Variants in CYRIB observed in about 807,000 individuals in gnomAD.
The protein encoded by CYRIB is CYFIP-related Rac1 interactor B.
In CYRIB, 8 loss-of-function variants were observed where a neutral mutation model predicts 44.2. The observed-to-expected ratio is 0.18, with a 90% CI of 0.11 to 0.33. The LOEUF (loss-of-function observed/expected upper bound fraction) is 0.33, where lower values mean the gene tolerates loss of function less well. Among genes scored for constraint, CYRIB ranks in the 10% least tolerant of loss-of-function variants. The pLI is 1.00. For missense variants in CYRIB, 185 were observed against 382.8 expected, an observed-to-expected ratio of 0.48 and a Z score of 4.31; for synonymous variants, 131 against 127.2, an observed-to-expected ratio of 1.03 and a Z score of -0.20.
At chr8:129,909,895 T>C (rs1463123087) in intron 1 of CYRIB, among the ~76,000 whole-genome samples, 3 of 152,186 alleles carry the variant, frequency 2.0e-5, no homozygotes, top group Non-Finnish European at 4.4e-5. Flanking sequence ...CACATAAACA[T>C]ACCTAAGCCA....
In CYRIB at chr8:129,873,674, CTA is replaced by C. The variant is rs542323082; in HGVS notation, c.74-2180_74-2179del. On this transcript the variant is annotated intron_variant, in intron 3 of 11. Transcript: ENST00000519824. ...ATCTGTGAAGTTTGAAAATGCTAGA[CTA>C]TGTATTTTAGGTGTGGTGACTAGCT... Among the ~76,000 whole-genome samples the C allele has an allele frequency of 7.2e-5, 11 of 152,060 alleles. No individual in the cohort carries two copies. In the South Asian group the frequency reaches 2.3e-3, roughly 32 times the overall value.
intron 2 of CYRIB, among the ~76,000 whole-genome samples, chr8:129,960,331 G>A (rs774352965): frequency 7.2e-5 from 11 of 152,080 alleles, no homozygotes; most frequent in Non-Finnish European, 1.5e-4. Context: ...GCAGTAGCTC[G>A]TACCTGTAAT....
At chr8:129,881,401 A>G (rs2060752053) in intron 2 of CYRIB, among the ~76,000 whole-genome samples, 1 of 152,228 alleles carries the variant, frequency 6.6e-6, no homozygotes, top group South Asian at 2.1e-4. Context: ...AACATAAAAC[A>G]ATATTTTTAT....
In CYRIB at chr8:129,852,105, C is replaced by T. The variant is rs1183725922; in HGVS notation, c.633+57G>A. 2.0e-5 allele frequency: 21 copies of T among 1,048,242 alleles called. No individual in the cohort carries two copies. The South Asian group carries it at 2.2e-4, about 11-fold the overall frequency. 64.9% of individuals were successfully genotyped at this position (1,048,242 alleles called of 1,614,324 possible). ...TAATGTCTTGGGCTTGCTGACATCA[C>T]GTCTGCCAACAGGGGCATAAATAAC... On this transcript the variant is annotated intron_variant, in intron 8 of 11. Transcript: ENST00000519824.
chr8:129,875,281 T>C (rs1270860042), intron 3 of CYRIB, among the ~76,000 whole-genome samples: 1 of 152,106 alleles, frequency 6.6e-6, no homozygotes, highest in African/African-American at 2.4e-5. Flanking sequence ...TTTTTTTTTT[T>C]TCAAAGACAG....
intron 1 of CYRIB, among the ~76,000 whole-genome samples, chr8:129,934,573 T>C (rs77734284): frequency 0.012 from 1,780 of 152,292 alleles, 35 homozygotes; most frequent in African/African-American, 0.041. Flanking sequence ...GCCAGTGCCC[T>C]TAAACAAAGC....
intron 4 of CYRIB, among the ~76,000 whole-genome samples, chr8:129,869,853 A>G (rs1426906909): frequency 6.6e-6 from 1 of 152,160 alleles, no homozygotes; most frequent in Non-Finnish European, 1.5e-5. Context: ...GTACAGTGGT[A>G]CAGAGATAAA....
intron 1 of CYRIB, among the ~76,000 whole-genome samples, chr8:129,920,352 A>AT (rs2082941205): frequency 6.6e-6 from 1 of 152,146 alleles, no homozygotes; most frequent in Non-Finnish European, 1.5e-5. Context: ...AACTATAAAT[A>AT]TATCATATCA....
Position 129,884,584 on chromosome 8 carries a change from G to A in CYRIB, c.-10-5113C>T, listed in dbSNP as rs112483175. On this transcript the variant is annotated intron_variant, in intron 2 of 11. Transcript: ENST00000519824. ...ATTACAGGCGTGAGCCACCAGGCCCGGCCGGATTTAAGATTTTAAAGCAGA... is the reference window on the plus strand; with the variant it reads ...ATTACAGGCGTGAGCCACCAGGCCCAGCCGGATTTAAGATTTTAAAGCAGA... 9.0e-3 allele frequency among the ~76,000 whole-genome samples: 1,363 copies of A among 152,146 alleles called. 18 individuals carry two copies. Among genetic ancestry groups the A allele is most frequent in the African/African-American group, 0.031 (1,289 of 41,504 alleles).
intron 1 of CYRIB, among the ~76,000 whole-genome samples, chr8:129,937,801 G>C (rs187013423): frequency 6.6e-6 from 1 of 152,148 alleles, no homozygotes; most frequent in East Asian, 1.9e-4. Flanking sequence ...AGAGTTCCCT[G>C]ACAAACAGCT....
chr8:129,942,352 T>C (rs1409310973), upstream of CYRIB, among the ~76,000 whole-genome samples: 2 of 151,940 alleles, frequency 1.3e-5, no homozygotes, highest in Non-Finnish European at 1.5e-5. Context: ...ATAATAATAA[T>C]AACAAAATAC....
At chr8:129,858,903 C>T (rs2047652061) in intron 5 of CYRIB, among the ~76,000 whole-genome samples, 1 of 152,176 alleles carries the variant, frequency 6.6e-6, no homozygotes, top group Non-Finnish European at 1.5e-5. Flanking sequence ...GCAAGTATGG[C>T]AAGTTTACTG....
intron 2 of CYRIB, among the ~76,000 whole-genome samples, chr8:129,946,410 T>C (rs1243347050): frequency 1.3e-5 from 2 of 152,202 alleles, no homozygotes; most frequent in African/African-American, 4.8e-5. Context: ...CTGAATCCTT[T>C]AGAAAACAGC....
intron 1 of CYRIB, among the ~76,000 whole-genome samples, chr8:129,935,881 A>G (rs910233772): frequency 6.6e-6 from 1 of 152,256 alleles, no homozygotes; most frequent in African/African-American, 2.4e-5. Flanking sequence ...TGGTACCATT[A>G]TCGAGATGTG....
At chr8:130,012,505 AG>A (rs1239153659) in intron 1 of CYRIB, among the ~76,000 whole-genome samples, 1 of 144,556 alleles carries the variant, frequency 6.9e-6, no homozygotes, top group African/African-American at 2.6e-5. Context: ...CCAGGGGCTG[AG>A]GGAAGAAACA....
intron 1 of CYRIB, among the ~76,000 whole-genome samples, chr8:129,977,557 G>C (rs1179403030): frequency 6.6e-6 from 1 of 150,984 alleles, no homozygotes; most frequent in African/African-American, 2.4e-5. Flanking sequence ...TTTGAGACGG[G>C]GTCTCGCTCT....
intron 1 of CYRIB, among the ~76,000 whole-genome samples, chr8:129,936,444 A>G (rs1465088274): frequency 6.6e-6 from 1 of 152,236 alleles, no homozygotes; most frequent in East Asian, 1.9e-4. Context: ...AGCGTAATTA[A>G]GAGCCAGGAT....
intron 2 of CYRIB, among the ~76,000 whole-genome samples, chr8:129,966,782 C>T (rs2095494416): frequency 6.6e-6 from 1 of 152,170 alleles, no homozygotes; most frequent in South Asian, 2.1e-4. Flanking sequence ...TGGCTCACTG[C>T]CACCTGGGTT....
chr8:129,856,811 T>C lies in CYRIB; in HGVS notation c.302-1064A>G, dbSNP rs143278579. On this transcript the variant is annotated intron_variant, in intron 5 of 11. Transcript: ENST00000519824. ...TTTCAAAGAACTTAGAGCCCAAAGT[T>C]ATAGCTAGTAAATGCTAGGTATTTC... is the stretch of plus-strand genomic sequence containing the variant. 2.2e-3 allele frequency among the ~76,000 whole-genome samples: 339 copies of C among 152,304 alleles called. 2 individuals are homozygous for C. The highest frequency in any genetic ancestry group is 7.7e-3 in the African/African-American group (322 of 41,566).
Sources: gnomAD v4.1 joint callset for allele counts (sites outside exome capture counted in the v4.1 genomes callset) on GRCh38, gnomAD v4.1.1 for gene constraint, MANE v1.5 for transcripts, NCBI Gene and HGNC (gene_info 2026-07-23, HGNC 2026-07-21) for gene names.